KCNB2: variants seen among roughly 807,000 people sequenced by gnomAD.
KCNB2 encodes delayed rectifier potassium channel protein.
A neutral mutation model predicts 61.5 loss-of-function variants in KCNB2; 15 were observed. The observed-to-expected ratio is 0.24, with a 90% CI of 0.16 to 0.38. The LOEUF (loss-of-function observed/expected upper bound fraction) is 0.38. KCNB2 is among the 10% of genes least tolerant of loss of function. The probability of loss-of-function intolerance (pLI) is 1.00; values close to 1 mark genes in which losing one functional copy is unlikely to be tolerated. For synonymous variants in KCNB2, 457 were observed against 446.0 expected (o/e 1.02, Z -0.31); for missense variants, 828 against 1,125.2 (o/e 0.74, Z 3.78).
intron 2 of KCNB2, among the ~76,000 whole-genome samples, chr8:72,911,177 G>A (rs140430473): frequency 3.3e-5 from 5 of 152,236 alleles, no homozygotes; most frequent in South Asian, 2.1e-4. Flanking sequence ...CAGGAATTCC[G>A]ACAACAGTCT....
intron 2 of KCNB2, among the ~76,000 whole-genome samples, chr8:72,769,118 C>T (rs1225253762): frequency 1.3e-5 from 2 of 152,114 alleles, no homozygotes; most frequent in African/African-American, 4.8e-5. Context: ...CGAGATCGTG[C>T]CATTGCACTC....
chr8:72,667,860 C>T (rs1806504042), intron 2 of KCNB2, among the ~76,000 whole-genome samples: 1 of 152,144 alleles, frequency 6.6e-6, no homozygotes. Flanking sequence ...ACGTAAACTC[C>T]ATAACCTTTA....
chr8:72,575,989 G>A (rs1806788536), intron 2 of KCNB2, among the ~76,000 whole-genome samples: 1 of 152,164 alleles, frequency 6.6e-6, no homozygotes, highest in African/African-American at 2.4e-5. Flanking sequence ...CTAACAGAGA[G>A]ACTCTGTCTG....
intron 2 of KCNB2, among the ~76,000 whole-genome samples, chr8:72,846,163 G>A (rs927890388): frequency 6.6e-6 from 1 of 152,134 alleles, no homozygotes; most frequent in African/African-American, 2.4e-5. Flanking sequence ...TGTTCCTCAC[G>A]TCACAGTCCC....
At chr8:72,931,477 G>T (rs1806781953) in intron 2 of KCNB2, among the ~76,000 whole-genome samples, 1 of 152,128 alleles carries the variant, frequency 6.6e-6, no homozygotes, top group Non-Finnish European at 1.5e-5. Flanking sequence ...ATTTTATTGA[G>T]CAGTGGTTTG....
At chr8:72,683,716 GC>G (rs2128989344) in intron 2 of KCNB2, among the ~76,000 whole-genome samples, 1 of 152,226 alleles carries the variant, frequency 6.6e-6, no homozygotes, top group Admixed American at 6.5e-5. Context: ...TACTGTACAG[GC>G]AAAAAGAGCA....
At chr8:72,849,761 C>T (rs184955316) in intron 2 of KCNB2, among the ~76,000 whole-genome samples, 1 of 152,298 alleles carries the variant, frequency 6.6e-6, no homozygotes, top group African/African-American at 2.4e-5. Flanking sequence ...TTCAGTCATT[C>T]TTCAACAGTG....
At position 72,937,581 on chromosome 8, in the gene KCNB2, T is replaced by C. The variant is rs751414721; in HGVS notation, c.2226T>C (p.Ala742=). ...STARPLPVTT[A]DFSLTTPQHI... is the part of the protein sequence containing the mutation. Reference sequence around the variant, plus strand: ...CCAGGCCACTGCCAGTCACCACAGCTGACTTTTCGCTCACTACCCCGCAGC... The same window carrying C: ...CCAGGCCACTGCCAGTCACCACAGCCGACTTTTCGCTCACTACCCCGCAGC... The change falls in exon 3 of 3, where the codon GCT becomes GCC. Residue 742 remains alanine, a synonymous_variant. Transcript: ENST00000523207. 4.3e-6 allele frequency: 7 copies of C among 1,613,814 alleles called. No individual in the cohort carries two copies. In the African/African-American group the frequency reaches 9.3e-5, roughly 22 times the overall value.
rs563045261 is a variant in KCNB2 at position 72,836,905 on chromosome 8, G to A, written c.580-99030G>A. ...AGCCTGGGTGAAAGAGTGGGACTTT[G>A]TCTCAAAATAACAAACAAACAAACA... is the stretch of plus-strand genomic sequence containing the variant. On this transcript the variant is annotated intron_variant, in intron 2 of 2. Coordinates refer to ENST00000523207, the MANE Select transcript of KCNB2 (RefSeq NM_004770.3). Among the ~76,000 whole-genome samples the A allele has an allele frequency of 6.6e-5, 10 of 152,288 alleles. No individual in the cohort carries two copies. In the South Asian group the frequency reaches 1.9e-3, roughly 28 times the overall value.
At chr8:72,585,379 T>C (rs1806987418) in intron 2 of KCNB2, among the ~76,000 whole-genome samples, 1 of 152,234 alleles carries the variant, frequency 6.6e-6, no homozygotes, top group Non-Finnish European at 1.5e-5. Flanking sequence ...TCTGTGAATA[T>C]ATGTTCATTT....
intron 2 of KCNB2, among the ~76,000 whole-genome samples, chr8:72,623,898 C>T (rs1805749760): frequency 6.6e-6 from 1 of 152,182 alleles, no homozygotes; most frequent in Non-Finnish European, 1.5e-5. Flanking sequence ...TACAAATGTC[C>T]TTTCTGGCTC....
At position 72,715,239 on chromosome 8, in the gene KCNB2, T is replaced by G. The variant is rs1807410525; in HGVS notation, c.579+146926T>G. 2.0e-5 allele frequency among the ~76,000 whole-genome samples: 3 copies of G among 152,118 alleles called. No homozygotes were observed. The South Asian group carries it at 6.2e-4, about 32-fold the overall frequency. The stretch of plus-strand genomic sequence containing the variant: ...AGACTTTAATACCCCACTGTCAACA[T>G]TACACAGATCAACGAGACAGAACGT... On this transcript the variant is annotated intron_variant, in intron 2 of 2. Coordinates refer to ENST00000523207, the MANE Select transcript of KCNB2 (RefSeq NM_004770.3).
chr8:72,886,978 A>G (rs920436518), intron 2 of KCNB2, among the ~76,000 whole-genome samples: 2 of 152,220 alleles, frequency 1.3e-5, no homozygotes, highest in African/African-American at 4.8e-5. Context: ...AATTTGCCCA[A>G]TGCCAAAAGG....
At chr8:72,636,046 A>G (rs1182778873) in intron 2 of KCNB2, among the ~76,000 whole-genome samples, 1 of 152,166 alleles carries the variant, frequency 6.6e-6, no homozygotes, top group African/African-American at 2.4e-5. Flanking sequence ...AGAACGGTGC[A>G]TGGCATTTAT....
At chr8:72,764,122 C>T (rs1229465245) in intron 2 of KCNB2, among the ~76,000 whole-genome samples, 1 of 152,032 alleles carries the variant, frequency 6.6e-6, no homozygotes, top group Non-Finnish European at 1.5e-5. Context: ...GAAAGGAGGA[C>T]TCAGCTAGAT....
intron 2 of KCNB2, among the ~76,000 whole-genome samples, chr8:72,916,257 A>G (rs1369741612): frequency 1.3e-5 from 2 of 152,190 alleles, no homozygotes; most frequent in African/African-American, 2.4e-5. Context: ...ATTATTGATT[A>G]TAAGGGAGAT....
chr8:72,866,133 C>T (rs986082028), intron 2 of KCNB2, among the ~76,000 whole-genome samples: 5 of 152,178 alleles, frequency 3.3e-5, no homozygotes, highest in Non-Finnish European at 5.9e-5. Flanking sequence ...CCAACAAAAA[C>T]ATCTGAGTAT....
At chr8:72,623,030 C>G (rs1355398888) in intron 2 of KCNB2, among the ~76,000 whole-genome samples, 1 of 151,786 alleles carries the variant, frequency 6.6e-6, no homozygotes. Context: ...AATCAGAATA[C>G]AATAAGAAGG....
At chr8:72,933,056 C>T (rs569341776) in intron 2 of KCNB2, among the ~76,000 whole-genome samples, 5 of 152,166 alleles carry the variant, frequency 3.3e-5, no homozygotes, top group Non-Finnish European at 7.3e-5. Context: ...TAATGCACTT[C>T]AGTACCTATG....
Sources: allele counts gnomAD v4.1 joint callset (sites outside exome capture counted in the v4.1 genomes callset), GRCh38; gene constraint gnomAD v4.1.1; transcripts MANE v1.5; gene names NCBI Gene and HGNC (gene_info 2026-07-23, HGNC 2026-07-21).